Variants in ATXN2 observed in about 807,000 individuals in gnomAD.
ATXN2 encodes the protein ataxin 2.
Under a neutral mutation model 138.6 loss-of-function variants are expected in ATXN2, and 37 were observed. The observed-to-expected ratio is 0.27, with a 90% CI of 0.21 to 0.35. The LOEUF (loss-of-function observed/expected upper bound fraction) is 0.35, where lower values mean the gene tolerates loss of function less well. Ranked by LOEUF, ATXN2 falls within the 10% of genes least tolerant of loss-of-function variation. ATXN2 has a pLI of 1.00. For missense variants in ATXN2, 1,216 were observed against 1,480.3 expected, an observed-to-expected ratio of 0.82 and a Z score of 2.93; for synonymous variants, 549 against 543.7, an observed-to-expected ratio of 1.01 and a Z score of -0.13.
chr12:111,598,861 C>T lies in ATXN2; in HGVS notation c.174G>A (p.Ser58=), dbSNP rs1415634379. ...PAAAPSPSSS[S]VSSSSATAPS... ...GAGCCGTGGCCGAGGACGAGGAGAC[C>T]GAGGACGAGGACGGCGAAGGCGCGG... Residue 58 remains serine, a synonymous_variant, in exon 1 of 25, where the codon TCG becomes TCA. Coordinates refer to ENST00000673436, the MANE Select transcript of ATXN2 (RefSeq NM_001372574.1). This position sits in a 1 kb window ranked among gnomAD's most constrained non-coding sequence, Gnocchi z 4.5. 1 of 1,489,594 alleles carries T rather than the reference C, an allele frequency of 6.7e-7. No individual in the cohort carries two copies. Among genetic ancestry groups the T allele is most frequent in the Non-Finnish European group, 8.9e-7 (1 of 1,126,082 alleles). 92.3% of individuals were successfully genotyped at this position (1,489,594 alleles called of 1,614,324 possible).
In ATXN2 at chr12:111,453,348, A is replaced by G. The variant is rs1288393989; in HGVS notation, c.3439+329T>C. ...ACCCCCCACATGTCAGACTTTTGGG[A>G]CTCAGGAAGGAAAACACTGCCCTGT... On this transcript the variant is annotated intron_variant, in intron 24 of 24. Transcript: ENST00000673436. This position sits in a 1 kb window ranked among gnomAD's most constrained non-coding sequence, Gnocchi z 5.4. 1 of 1,101,342 alleles carries G rather than the reference A, an allele frequency of 9.1e-7. No homozygotes were observed. Among genetic ancestry groups the G allele is most frequent in the African/African-American group, 1.6e-5 (1 of 61,048 alleles). 68.2% of individuals were successfully genotyped at this position (1,101,342 alleles called of 1,614,324 possible). A position where few individuals can be genotyped will look rare whatever the true frequency, so the allele number is the denominator to read the frequency against.
intron 5 of ATXN2, among the ~76,000 whole-genome samples, chr12:111,539,844 C>CA: frequency 6.7e-6 from 1 of 150,194 alleles, no homozygotes; most frequent in African/African-American, 2.4e-5. Context: ...GTTCAAGAAT[C>CA]AAAAAACAGA....
At chr12:111,543,893 T>C (rs769257618) in intron 5 of ATXN2, among the ~76,000 whole-genome samples, 2 of 151,938 alleles carry the variant, frequency 1.3e-5, no homozygotes, top group Admixed American at 6.6e-5. Flanking sequence ...CTGGGAAACA[T>C]AGTGAGAACC....
chr12:111,478,739 G>C lies in ATXN2; in HGVS notation c.2524+6526C>G, dbSNP rs1877001447. ...TGTATTTACCAGGCAGTGTGTGGTG[G>C]CTCACATCTGTAATCCCAACACTTT... On this transcript the variant is annotated intron_variant, in intron 18 of 24. Transcript: ENST00000673436. Among the ~76,000 whole-genome samples the C allele has an allele frequency of 2.0e-5, 3 of 152,170 alleles. No homozygotes were observed. In the South Asian group the frequency reaches 6.3e-4, roughly 32 times the overall value.
intron 1 of ATXN2, among the ~76,000 whole-genome samples, chr12:111,564,065 T>C (rs1348013780): frequency 2.6e-5 from 4 of 152,158 alleles, no homozygotes; most frequent in Admixed American, 2.0e-4. Flanking sequence ...AAGCAGTGTC[T>C]TTGTGAAAAT....
At chr12:111,531,943 A>T (rs555976799) in intron 5 of ATXN2, among the ~76,000 whole-genome samples, 2 of 152,376 alleles carry the variant, frequency 1.3e-5, no homozygotes, top group Admixed American at 1.3e-4. Flanking sequence ...GTTATCAAAA[A>T]CTAAAAAAAT....
chr12:111,468,909 C>A (rs943329290), intron 20 of ATXN2: 1 of 152,116 alleles, frequency 6.6e-6, no homozygotes, highest in African/African-American at 2.4e-5. Context: ...ACCATGTTGG[C>A]CAGGCTGGTC....
At chr12:111,576,856 G>A (rs944395071) in intron 1 of ATXN2, among the ~76,000 whole-genome samples, 1 of 151,908 alleles carries the variant, frequency 6.6e-6, no homozygotes, top group Non-Finnish European at 1.5e-5. Context: ...TACTTGGGAG[G>A]CTGAGGCAGG....
chr12:111,496,659 TAAG>T (rs1878438117), intron 14 of ATXN2, among the ~76,000 whole-genome samples: 1 of 151,918 alleles, frequency 6.6e-6, no homozygotes, highest in Non-Finnish European at 1.5e-5. Flanking sequence ...ATGAAGAAAT[TAAG>T]AAGAAAACTG....
intron 1 of ATXN2, among the ~76,000 whole-genome samples, chr12:111,593,221 G>A (rs1276928539): frequency 6.6e-6 from 1 of 151,938 alleles, no homozygotes; most frequent in Non-Finnish European, 1.5e-5. Flanking sequence ...AGCCTCCCAA[G>A]AAGCTGGGAT....
chr12:111,552,892 A>G lies in ATXN2; in HGVS notation c.420+14T>C. 1 of 1,515,482 alleles carries G rather than the reference A, an allele frequency of 6.6e-7. No homozygotes were observed. The highest frequency in any genetic ancestry group is 1.3e-5 in the South Asian group (1 of 79,172). 93.9% of individuals were successfully genotyped at this position (1,515,482 alleles called of 1,614,324 possible). Reference sequence around the variant, plus strand: ...CTTTTACTTTGTAAGAAAAAGAAAAAAAGTAAAAATTACCTTCGGACTGTA... The same window carrying G: ...CTTTTACTTTGTAAGAAAAAGAAAAGAAGTAAAAATTACCTTCGGACTGTA... On this transcript the variant is annotated intron_variant, in intron 4 of 24. Transcript: ENST00000673436. This position sits in a 1 kb window ranked among gnomAD's most constrained non-coding sequence, Gnocchi z 4.1.
chr12:111,593,920 T>C (rs868253288), intron 1 of ATXN2, among the ~76,000 whole-genome samples: 8 of 152,258 alleles, frequency 5.3e-5, no homozygotes, highest in Middle Eastern at 3.4e-3. Flanking sequence ...ACATGACTAA[T>C]TAACCTAGAT....
At chr12:111,553,168 A>G (rs1329640492) in intron 3 of ATXN2, among the ~76,000 whole-genome samples, 191 bp from the exon 4 acceptor site, 1 of 152,176 alleles carries the variant, frequency 6.6e-6, no homozygotes, top group Middle Eastern at 3.2e-3. Context: ...GGCTCTACTC[A>G]GAGTTTGCAG....
At chr12:111,568,060 A>G (rs1217673312) in intron 1 of ATXN2, among the ~76,000 whole-genome samples, 1 of 152,154 alleles carries the variant, frequency 6.6e-6, no homozygotes, top group Non-Finnish European at 1.5e-5. Context: ...CAGGAACTCA[A>G]GACCAGCCTT....
chr12:111,478,494 AG>A (rs1214560499), intron 18 of ATXN2, among the ~76,000 whole-genome samples: 1 of 152,234 alleles, frequency 6.6e-6, no homozygotes, highest in East Asian at 1.9e-4. Flanking sequence ...ACACATGATG[AG>A]GTGCTCCTGG....
chr12:111,537,747 G>A (rs1881273160), intron 5 of ATXN2, among the ~76,000 whole-genome samples: 1 of 152,124 alleles, frequency 6.6e-6, no homozygotes, highest in Admixed American at 6.6e-5. Flanking sequence ...TTTCTTTTCA[G>A]GGTGATGAAA....
At chr12:111,533,364 T>A (rs1880953333) in intron 5 of ATXN2, among the ~76,000 whole-genome samples, 1 of 152,170 alleles carries the variant, frequency 6.6e-6, no homozygotes, top group Non-Finnish European at 1.5e-5. Flanking sequence ...AGTATTTGCA[T>A]ACTCTCGCAT....
At chr12:111,474,971 T>C (rs1054843162) in intron 18 of ATXN2, among the ~76,000 whole-genome samples, 5 of 152,038 alleles carry the variant, frequency 3.3e-5, no homozygotes, top group African/African-American at 9.7e-5. Flanking sequence ...CCCAGCACTT[T>C]GGGAGGCCGA....
chr12:111,563,931 G>GTT (rs1446774289), intron 1 of ATXN2, among the ~76,000 whole-genome samples: 1 of 152,084 alleles, frequency 6.6e-6, no homozygotes, highest in Non-Finnish European at 1.5e-5. Flanking sequence ...AATTACTAGT[G>GTT]TATCTGTCAT....
Sources: gnomAD v4.1 joint callset for allele counts (sites outside exome capture counted in the v4.1 genomes callset) on GRCh38, gnomAD v4.1.1 for gene constraint, Gnocchi (gnomAD v3.1) non-coding constraint, MANE v1.5 for transcripts, NCBI Gene and HGNC (gene_info 2026-07-23, HGNC 2026-07-21) for gene names.